TAC4: variants seen among roughly 807,000 people sequenced by gnomAD.
TAC4 encodes tachykinin precursor 4.
A neutral mutation model predicts 17.7 loss-of-function variants in TAC4; 17 were observed. That is an observed-to-expected ratio of 0.96 (90% CI 0.66 to 1.44). The LOEUF (loss-of-function observed/expected upper bound fraction) is 1.44. Among genes scored for constraint, TAC4 ranks in the 40% most tolerant of loss-of-function variants. The pLI, the probability that TAC4 is intolerant of heterozygous loss-of-function variation, is 0.00. For missense variants in TAC4, 118 were observed against 125.6 expected (o/e 0.94, Z 0.29); for synonymous variants, 62 against 52.4 (o/e 1.18, Z -0.79).
intron 1 of TAC4, chr17:49,847,712 C>G (rs2074555582): frequency 1.4e-6 from 1 of 694,042 alleles, no homozygotes; most frequent in Admixed American, 2.6e-5. Flanking sequence ...CACACACACA[C>G]ACACACACAC....
chr17:49,841,244 C>CT (rs745671170), intron 3 of TAC4, among the ~76,000 whole-genome samples: 5,875 of 110,280 alleles, frequency 0.053, 220 homozygotes, highest in African/African-American at 0.087. Flanking sequence ...TAGTGGTTGA[C>CT]TTTTTTTTTT....
rs537974826 is a variant in TAC4, at chr17:49,838,610, C to A, written c.*32G>T. The stretch of plus-strand genomic sequence containing the variant: ...ACATCCAGGTAGGAAGAAGCGGCAC[C>A]GTGTCCTCTGGGAAGTCTGTGGTGG... On this transcript the variant is annotated 3_prime_UTR_variant, in exon 5 of 5. Transcript: ENST00000436235. 14 of 1,613,534 alleles carry A rather than the reference C, an allele frequency of 8.7e-6. No homozygotes were observed. The highest frequency in any genetic ancestry group is 1.2e-5 in the Non-Finnish European group (14 of 1,179,796).
At position 49,847,999 on chromosome 17, in the gene TAC4, G is replaced by GGGCGA. The variant is rs759031919; in HGVS notation, c.14_18dup (p.Leu7SerfsTer6). On this transcript the variant is annotated frameshift_variant, in exon 1 of 5. Transcript: ENST00000436235. LOFTEE classifies it high-confidence loss of function. ...ACGGACAGCTCCATCAGGAGAAGCA[G>GGGCGA]GGCGAGGCAAGGCAGCATGGTGAGC... 3 of 1,614,180 alleles carry GGGCGA rather than the reference G, an allele frequency of 1.9e-6. No individual in the cohort carries two copies. Among genetic ancestry groups the GGGCGA allele is most frequent in the East Asian group, 2.2e-5 (1 of 44,876 alleles).
intron 1 of TAC4, chr17:49,845,808 C>G (rs1043196552): frequency 5.8e-5 from 9 of 154,880 alleles, no homozygotes; most frequent in African/African-American, 2.2e-4. Context: ...TGGCACCTTT[C>G]AGGATCAGGA....
intron 1 of TAC4, chr17:49,846,160 C>T: frequency 7.9e-7 from 1 of 1,267,358 alleles, no homozygotes; most frequent in Non-Finnish European, 1.0e-6. Flanking sequence ...CTGCCCCCAG[C>T]CGGAGCCCTC....
chr17:49,843,662 T>C (rs953916043), intron 2 of TAC4, among the ~76,000 whole-genome samples: 1 of 152,220 alleles, frequency 6.6e-6, no homozygotes, highest in African/African-American at 2.4e-5. Context: ...GGCATGATCT[T>C]GGCTCACTGC....
chr17:49,844,659 G>A (rs1401383047), intron 1 of TAC4, among the ~76,000 whole-genome samples: 1 of 152,196 alleles, frequency 6.6e-6, no homozygotes. Context: ...TCAGGAGGCT[G>A]AGGCAGGAGA....
At chr17:49,838,805 A>C (rs1893606502) in intron 4 of TAC4, 132 bp from the exon 5 acceptor site, 1 of 833,602 alleles carries the variant, frequency 1.2e-6, no homozygotes. Context: ...GGAGATATCT[A>C]GGGCAATGGG....
At chr17:49,847,200 G>C (rs1172225001) in intron 1 of TAC4, 2 of 1,290,040 alleles carry the variant, frequency 1.6e-6, no homozygotes, top group Non-Finnish European at 2.0e-6. Flanking sequence ...TGTCCTGTCT[G>C]CCCCCCTGGA....
rs756318078 is a variant in TAC4 at position 49,839,907 on chromosome 17, AT to A, written c.234del (p.Tyr79IlefsTer100). 6.2e-7 allele frequency: 1 copy of A among 1,611,464 alleles called. No homozygotes were observed. Among genetic ancestry groups the A allele is most frequent in the South Asian group, 1.1e-5 (1 of 90,202 alleles). ...RPLIQPRRKK[A>X]YQLEHTFQGL... is the part of the protein sequence containing the mutation. ...CCCTGGAACGTGTGTTCCAGCTGAT[AT>A]GCTGGTGGTGGGAGAGAGAAGTGGT... On this transcript the variant is annotated frameshift_variant and splice_region_variant, in exon 4 of 5. Transcript: ENST00000436235. LOFTEE classifies it high-confidence loss of function.
chr17:49,847,755 A>C (rs2074556041), intron 1 of TAC4, 158 bp downstream of exon 1: 3 of 1,255,612 alleles, frequency 2.4e-6, no homozygotes, highest in Middle Eastern at 3.9e-4. Context: ...CAGGGCTCAT[A>C]GCCTTGAATC....
Position 49,839,355 on chromosome 17 carries a change from C to T in TAC4, c.292+495G>A, listed in dbSNP as rs915737719. ...CTGGTCCCCTGAAACCATTTGGGGA[C>T]GTGGCCTCTGCTAGAAAGTGTGAAC... On this transcript the variant is annotated intron_variant, in intron 4 of 4. Transcript: ENST00000436235. Among the ~76,000 whole-genome samples, 5 of 152,250 alleles carry T rather than the reference C, an allele frequency of 3.3e-5. No homozygotes were observed. The East Asian group carries it at 7.7e-4, about 24-fold the overall frequency.
chr17:49,846,287 T>C (rs1460004350), intron 1 of TAC4: 2 of 1,275,336 alleles, frequency 1.6e-6, no homozygotes, highest in Non-Finnish European at 2.0e-6. Flanking sequence ...CATTTTTTTT[T>C]TTTTTTTGAG....
chr17:49,840,218 C>T (rs2074486637), intron 3 of TAC4, among the ~76,000 whole-genome samples: 1 of 152,236 alleles, frequency 6.6e-6, no homozygotes, highest in Non-Finnish European at 1.5e-5. Context: ...GAGGCGACAG[C>T]AGACCTGATG....
At chr17:49,846,583 T>G (rs988847968) in intron 1 of TAC4, among the ~76,000 whole-genome samples, 21 of 152,158 alleles carry the variant, frequency 1.4e-4, no homozygotes, top group African/African-American at 3.4e-4. Context: ...GGCCGTCACT[T>G]ATGTTATGCT....
chr17:49,838,669 T>C lies in TAC4; in HGVS notation c.297A>G (p.Arg99=). ...ACTCTGAACCTTGGGCCTCATCCTC[T>C]CTGCCTGGGGAGAGTTTGGTATATG... ...LGKRSLFTEG[R]EDEAQGSE The change falls in exon 5 of 5, where the codon AGA becomes AGG. Residue 99 remains arginine (R), a synonymous_variant. Coordinates refer to ENST00000436235, the MANE Select transcript of TAC4 (RefSeq NM_001077506.2). 1 of 1,613,484 alleles carries C rather than the reference T, an allele frequency of 6.2e-7. No individual in the cohort carries two copies. The highest frequency in any genetic ancestry group is 8.5e-7 in the Non-Finnish European group (1 of 1,179,744).
chr17:49,847,761 G>T, intron 1 of TAC4, 152 bp downstream of exon 1: 2 of 1,317,016 alleles, frequency 1.5e-6, no homozygotes, highest in East Asian at 2.4e-5. Flanking sequence ...TCATAGCCTT[G>T]AATCTACCCA....
chr17:49,847,763 A>G (rs1207050386), intron 1 of TAC4, 150 bp downstream of exon 1: 2 of 1,342,530 alleles, frequency 1.5e-6, no homozygotes, highest in Non-Finnish European at 2.1e-6. Flanking sequence ...ATAGCCTTGA[A>G]TCTACCCATG....
intron 1 of TAC4, among the ~76,000 whole-genome samples, chr17:49,846,721 G>A (rs903750589): frequency 3.3e-5 from 5 of 152,208 alleles, no homozygotes; most frequent in Non-Finnish European, 7.3e-5. Context: ...GTAAGGATTA[G>A]ACCCAGCTGC....
Sources: gnomAD v4.1 joint callset for allele counts (sites outside exome capture counted in the v4.1 genomes callset) on GRCh38, gnomAD v4.1.1 for gene constraint, MANE v1.5 for transcripts, NCBI Gene and HGNC (gene_info 2026-07-23, HGNC 2026-07-21) for gene names.